The following SLC41A3 variants were observed in gnomAD, a reference collection of about 807,000 sequenced individuals.
SLC41A3 encodes the protein SLC41A1-like 2.
SLC41A3 carries 44 observed loss-of-function variants against 45.4 expected under a neutral mutation model. The observed-to-expected ratio is 0.97, with a 90% CI of 0.76 to 1.25. The LOEUF (loss-of-function observed/expected upper bound fraction) is 1.25. Among genes scored for constraint, SLC41A3 ranks in the 50% most tolerant of loss-of-function variants. The pLI is 0.00. For synonymous variants in SLC41A3, 256 were observed against 252.4 expected (o/e 1.01, Z -0.13); for missense variants, 550 against 600.6 (o/e 0.92, Z 0.88).
At chr3:126,085,986 T>A (rs530451545), upstream of SLC41A3, among the ~76,000 whole-genome samples, 1 of 152,184 alleles carries the variant, frequency 6.6e-6, no homozygotes, top group African/African-American at 2.4e-5. Flanking sequence ...AACTGAGACA[T>A]GTAACAGGGT....
intron 8 of SLC41A3, among the ~76,000 whole-genome samples, chr3:126,014,696 C>T (rs781665368): frequency 3.9e-5 from 6 of 152,220 alleles, no homozygotes; most frequent in East Asian, 1.9e-4. Context: ...ACTGTGGACA[C>T]GCAGGGGCTG....
intron 2 of SLC41A3, among the ~76,000 whole-genome samples, chr3:126,056,040 G>A (rs1048100611): frequency 1.2e-4 from 18 of 152,196 alleles, no homozygotes; most frequent in African/African-American, 4.1e-4. Flanking sequence ...CTCCACTGGT[G>A]AGTGGCAGAC....
At chr3:126,052,545 A>C (rs921855822) in intron 2 of SLC41A3, among the ~76,000 whole-genome samples, 1 of 152,070 alleles carries the variant, frequency 6.6e-6, no homozygotes, top group Non-Finnish European at 1.5e-5. Flanking sequence ...GTTCTCACCC[A>C]TCACCCTCAG....
At position 126,042,772 on chromosome 3, in the gene SLC41A3, T is replaced by C. The variant is rs372203173; in HGVS notation, c.381+8171A>G. Among the ~76,000 whole-genome samples the C allele has an allele frequency of 1.7e-3, 261 of 152,272 alleles. 1 individual carries two copies. In the Middle Eastern group the frequency reaches 0.02, roughly 12 times the overall value. On this transcript the variant is annotated intron_variant, in intron 3 of 10. Coordinates refer to ENST00000360370, the MANE Select transcript of SLC41A3 (RefSeq NM_017836.4). Reference sequence around the variant, plus strand: ...ACAATAATTGAATTGAAAAATTCTTTACAGAGGTTCAACAGCAAACTCTAA... The same window carrying C: ...ACAATAATTGAATTGAAAAATTCTTCACAGAGGTTCAACAGCAAACTCTAA...
intron 1 of SLC41A3, among the ~76,000 whole-genome samples, chr3:126,093,940 G>A (rs576885515): frequency 3.6e-4 from 55 of 152,300 alleles, no homozygotes; most frequent in Admixed American, 3.3e-4. Context: ...GGCCGTCTGC[G>A]TGGCCAATTC....
chr3:126,059,313 A>AAGAAAGAAAGGAT (rs1576331901), intron 2 of SLC41A3, among the ~76,000 whole-genome samples: 1 of 135,478 alleles, frequency 7.4e-6, no homozygotes, highest in East Asian at 2.0e-4. Context: ...AAAGAAAGGA[A>AAGAAAGAAAGGAT]GGATGATCTG....
chr3:126,084,754 CATT>C (rs1321021986), upstream of SLC41A3, among the ~76,000 whole-genome samples: 1 of 152,122 alleles, frequency 6.6e-6, no homozygotes, highest in Non-Finnish European at 1.5e-5. Context: ...TAAAATATAT[CATT>C]ATATTTTAAA....
In SLC41A3 at chr3:126,026,099, G is replaced by A. The variant is rs1022137375; in HGVS notation, c.598+236C>T. Among the ~76,000 whole-genome samples the A allele has an allele frequency of 6.6e-6, 1 of 152,194 alleles. No individual in the cohort carries two copies. Among genetic ancestry groups the A allele is most frequent in the African/African-American group, 2.4e-5 (1 of 41,456 alleles). On this transcript the variant is annotated intron_variant, in intron 5 of 10. Transcript: ENST00000360370. The surrounding 1 kb of genome is among the most constrained non-coding windows in gnomAD (Gnocchi z 4.2). ...CAGGGACAGGTCTTTACACAGCAGA[G>A]AGCAGAGGCGAGTGGTGGCAGGAGC...
At chr3:126,091,934 G>C (rs1176140906) in intron 1 of SLC41A3, among the ~76,000 whole-genome samples, 1 of 152,156 alleles carries the variant, frequency 6.6e-6, no homozygotes, top group African/African-American at 2.4e-5. Context: ...AAACAGAGGG[G>C]TGTATAATGA....
chr3:126,007,313 T>C (rs1939205136), intron 10 of SLC41A3, 88 bp from the exon 11 acceptor site: 2 of 1,422,014 alleles, frequency 1.4e-6, no homozygotes, highest in East Asian at 4.9e-5. Context: ...CAAGGAGAGA[T>C]ACCAAGGTGG....
intron 2 of SLC41A3, among the ~76,000 whole-genome samples, chr3:126,063,289 C>CCAG (rs1180769698): frequency 6.6e-6 from 1 of 152,088 alleles, no homozygotes; most frequent in Non-Finnish European, 1.5e-5. Flanking sequence ...CGCCATGGTG[C>CCAG]CAGAGGAGTC....
rs147721343 is a variant in SLC41A3 at position 126,029,677 on chromosome 3, G to A, written c.454-3198C>T. On this transcript the variant is annotated intron_variant, in intron 4 of 10. Transcript: ENST00000360370. Reference sequence around the variant, plus strand: ...TCAAAGTCCCAACAAGATCTTTCACGGCACTTGACAACTCATTTTAAATTT... The same window carrying A: ...TCAAAGTCCCAACAAGATCTTTCACAGCACTTGACAACTCATTTTAAATTT... 1.5e-3 allele frequency among the ~76,000 whole-genome samples: 233 copies of A among 152,164 alleles called. 2 individuals carry two copies. The highest frequency in any genetic ancestry group is 7.5e-3 in the South Asian group (36 of 4,820).
At chr3:126,029,086 T>C (rs977060692) in intron 4 of SLC41A3, among the ~76,000 whole-genome samples, 1 of 152,148 alleles carries the variant, frequency 6.6e-6, no homozygotes, top group African/African-American at 2.4e-5. Flanking sequence ...TTTGAGTTAA[T>C]GCTGGAACGA....
intron 4 of SLC41A3, among the ~76,000 whole-genome samples, chr3:126,029,328 G>A (rs1212422705): frequency 6.6e-6 from 1 of 151,900 alleles, no homozygotes; most frequent in African/African-American, 2.4e-5. Context: ...CAATGAGTGA[G>A]TTCTGCTGAG....
At chr3:126,090,783 A>G (rs1238683303) in intron 1 of SLC41A3, among the ~76,000 whole-genome samples, 2 of 152,212 alleles carry the variant, frequency 1.3e-5, no homozygotes, top group African/African-American at 2.4e-5. Flanking sequence ...CTCTAGGCCT[A>G]GCAGCTATTG....
chr3:126,050,873 G>C (rs1350251261), intron 3 of SLC41A3, 70 bp downstream of exon 3: 1 of 1,533,536 alleles, frequency 6.5e-7, no homozygotes, highest in South Asian at 1.3e-5. Context: ...CACAAGCCAG[G>C]GGAGACCAGG....
chr3:126,089,051 C>G (rs1462496316), upstream of SLC41A3, among the ~76,000 whole-genome samples: 1 of 152,164 alleles, frequency 6.6e-6, no homozygotes, highest in Non-Finnish European at 1.5e-5. Context: ...ACAAGCACCT[C>G]AGATGAAGCA....
intron 3 of SLC41A3, among the ~76,000 whole-genome samples, chr3:126,042,629 G>A (rs1205436407): frequency 1.3e-5 from 2 of 152,106 alleles, no homozygotes; most frequent in Non-Finnish European, 2.9e-5. Context: ...TGTTCAGTGA[G>A]CTAAAGGACA....
intron 7 of SLC41A3, 47 bp from the exon 8 acceptor site, chr3:126,015,620 C>T: frequency 6.3e-7 from 1 of 1,581,522 alleles, no homozygotes; most frequent in South Asian, 1.1e-5. Flanking sequence ...TTTACACTTA[C>T]AGTGGCCCTG....
Sources: allele counts gnomAD v4.1 joint callset (sites outside exome capture counted in the v4.1 genomes callset), GRCh38; gene constraint gnomAD v4.1.1; non-coding constraint Gnocchi (gnomAD v3.1); transcripts MANE v1.5; gene names NCBI Gene and HGNC (gene_info 2026-07-23, HGNC 2026-07-21).